The following ANKLE2 variants were observed in gnomAD, a reference collection of about 807,000 sequenced individuals.
ANKLE2 encodes ankyrin repeat and LEM domain-containing protein 2.
In ANKLE2, 55 loss-of-function variants were observed where a neutral mutation model predicts 84.2. That is an observed-to-expected ratio of 0.65 (90% CI 0.53 to 0.82). The LOEUF is 0.82. Ranked by LOEUF, ANKLE2 falls within the 40% of genes least tolerant of loss-of-function variation. The pLI is 0.00. For missense variants in ANKLE2, 1,238 were observed against 1,201.9 expected (o/e 1.03, Z -0.44); for synonymous variants, 551 against 486.1 (o/e 1.13, Z -1.76).
chr12:132,749,153 G>T (rs555246590), intron 3 of ANKLE2: 1 of 152,042 alleles, frequency 6.6e-6, no homozygotes, highest in Non-Finnish European at 1.5e-5. Flanking sequence ...CTGCCACCAC[G>T]CCCAGCTGAT....
rs1288074386 is a variant in ANKLE2 at position 132,741,465 on chromosome 12, T to C, written c.1374A>G (p.Lys458=). 8.7e-6 allele frequency: 14 copies of C among 1,614,252 alleles called. No homozygotes were observed. Among genetic ancestry groups the C allele is most frequent in the Non-Finnish European group, 1.2e-5 (14 of 1,180,044 alleles). ...GCTCCTTCAGTTCCACAGATTTATT[T>C]TTGCTTCTTTCACAAATTACCTATT... is the stretch of plus-strand genomic sequence containing the variant. ...TPEDVICERS[K]NKSVELKERI... Residue 458 remains lysine (K), a synonymous_variant, in exon 7 of 13, where the codon AAA becomes AAG. Transcript: ENST00000357997.
At chr12:132,738,667 G>C (rs1014472763) in intron 7 of ANKLE2, 1 of 151,926 alleles carries the variant, frequency 6.6e-6, no homozygotes, top group African/African-American at 2.4e-5. Flanking sequence ...TGGGACTACA[G>C]GTGCCCACCA....
At chr12:132,739,707 GTCTC>G (rs1258482498) in intron 7 of ANKLE2, among the ~76,000 whole-genome samples, 1 of 152,192 alleles carries the variant, frequency 6.6e-6, no homozygotes, top group South Asian at 2.1e-4. Context: ...ACAAGCGTGG[GTCTC>G]TCTCTGAGTG....
rs1298303278 is a variant in ANKLE2 at position 132,729,697 on chromosome 12, C to A, written c.2465G>T (p.Arg822Met). 1.2e-6 allele frequency: 2 copies of A among 1,606,336 alleles called. No individual in the cohort carries two copies. The highest frequency in any genetic ancestry group is 2.2e-5 in the East Asian group (1 of 44,542). The change falls in exon 11 of 13, where the codon AGG becomes ATG. Residue 822 changes from arginine to methionine, a missense_variant. By Grantham distance (91) the Arg-to-Met change is moderately conservative (BLOSUM62 -1). Transcript: ENST00000357997. ...DQLEVTREPA[R>M]RLFLFGEEPS... is the part of the protein sequence containing the mutation. ...CTCCTACCCAAAAAGGAAGAGCCGC[C>A]TGGCCGGTTCCCTGGTGACCTCGAG...
chr12:132,731,360 G>C (rs907479110), intron 10 of ANKLE2: 1 of 152,236 alleles, frequency 6.6e-6, no homozygotes, highest in African/African-American at 2.4e-5. Flanking sequence ...CTGTGGTTCA[G>C]AGTCACAGGT....
chr12:132,742,191 A>G lies in ANKLE2; in HGVS notation c.1354-706T>C, dbSNP rs2044138470. ...CTTATGTTGAAGTACAGATACACAC[A>G]CACACACACACACACACACACACAC... On this transcript the variant is annotated intron_variant, in intron 6 of 12. Transcript: ENST00000357997. 6 of 96,516 alleles carry G rather than the reference A, an allele frequency of 6.2e-5. No homozygotes were observed. The Admixed American group carries it at 6.6e-4, about 11-fold the overall frequency. The allele number at this position is 96,516 out of a possible 1,614,324, so 6.0% of individuals were successfully genotyped here.
chr12:132,736,805 C>G, intron 8 of ANKLE2, 88 bp downstream of exon 8: 1 of 1,461,384 alleles, frequency 6.8e-7, no homozygotes, highest in Non-Finnish European at 9.2e-7. Flanking sequence ...GTCCCTGAGA[C>G]CACGCACAAG....
chr12:132,752,217 G>A (rs2044372454), intron 2 of ANKLE2, among the ~76,000 whole-genome samples: 2 of 152,100 alleles, frequency 1.3e-5, no homozygotes, highest in South Asian at 2.1e-4. Context: ...GCACACCCCT[G>A]TAGTACTAGC....
Position 132,755,139 on chromosome 12 carries a change from C to A in ANKLE2, c.182-6G>T. ...AGCATCCATTGTCATTTCACCTAGGCCCAAGACAAAAAAATCAAAGAGTCA... is the reference window on the plus strand; with the variant it reads ...AGCATCCATTGTCATTTCACCTAGGACCAAGACAAAAAAATCAAAGAGTCA... On this transcript the variant is annotated splice_polypyrimidine_tract_variant and splice_region_variant and intron_variant, in intron 1 of 12. Coordinates refer to ENST00000357997, the MANE Select transcript of ANKLE2 (RefSeq NM_015114.3). The A allele has an allele frequency of 1.3e-6, 2 of 1,583,078 alleles. No individual in the cohort carries two copies. The highest frequency in any genetic ancestry group is 8.5e-7 in the Non-Finnish European group (1 of 1,171,156).
At chr12:132,740,345 G>A (rs1044290044) in intron 7 of ANKLE2, among the ~76,000 whole-genome samples, 5 of 152,162 alleles carry the variant, frequency 3.3e-5, no homozygotes, top group African/African-American at 9.6e-5. Context: ...CTTAGATCAC[G>A]CTTGGTAAAC....
In ANKLE2 at chr12:132,761,795, G is replaced by A. The variant is rs768793081; in HGVS notation, c.4C>T (p.Leu2=). M[L]WPRLAAAEWA... ...TCGGCCGCCGCCAGCCGCGGCCACA[G>A]CATCGCCGCCGCCCGGGCCGCAGCC... Residue 2 remains leucine (L), a synonymous_variant, in exon 1 of 13, where the codon CTG becomes TTG. Coordinates refer to ENST00000357997, the MANE Select transcript of ANKLE2 (RefSeq NM_015114.3). The A allele has an allele frequency of 1.1e-5, 12 of 1,110,004 alleles. No individual in the cohort carries two copies. Among genetic ancestry groups the A allele is most frequent in the Non-Finnish European group, 1.3e-5 (12 of 912,452 alleles). 68.8% of individuals were successfully genotyped at this position (1,110,004 alleles called of 1,614,324 possible). A position where few individuals can be genotyped will look rare whatever the true frequency, so the allele number is the denominator to read the frequency against.
intron 11 of ANKLE2, 102 bp from the exon 12 acceptor site, chr12:132,728,265 T>C: frequency 9.0e-6 from 13 of 1,444,122 alleles, no homozygotes; most frequent in Non-Finnish European, 1.2e-5. Flanking sequence ...AGTCTTGCTC[T>C]GTCGCCCAGG....
rs748174268 is a variant in ANKLE2 at position 132,737,027 on chromosome 12, A to T, written c.1459T>A (p.Ser487Thr). 4.3e-6 allele frequency: 7 copies of T among 1,611,000 alleles called. No individual in the cohort carries two copies. The highest frequency in any genetic ancestry group is 5.9e-6 in the Non-Finnish European group (7 of 1,177,872). ...YVPLLRAEET[S>T]SPVIGELWSP... ...CACAGCTCCCCGATGACTGGAGAAG[A>T]AGTCTCTTCCGCTCTCAGGAGGGGC... Residue 487 changes from serine to threonine, a missense_variant, in exon 8 of 13, where the codon TCT (serine) becomes ACT (threonine). Physicochemically the swap from Ser to Thr is moderately conservative, Grantham distance 58 (BLOSUM62 1). Around this residue, in one of 3 missense-constraint regions of ANKLE2, gnomAD observed 802 missense variants for 774.5 expected, o/e 1.04. Coordinates refer to ENST00000357997, the MANE Select transcript of ANKLE2 (RefSeq NM_015114.3).
At chr12:132,746,332 G>C (rs2044237739) in intron 5 of ANKLE2, among the ~76,000 whole-genome samples, 2 of 127,560 alleles carry the variant, frequency 1.6e-5, no homozygotes, top group Non-Finnish European at 3.3e-5. Flanking sequence ...CTGGGAGACA[G>C]AGCAAGACTC....
intron 7 of ANKLE2, chr12:132,738,925 A>G (rs548214756): frequency 6.6e-6 from 1 of 152,324 alleles, no homozygotes; most frequent in East Asian, 1.9e-4. Context: ...CATATATACC[A>G]CAGGATATTA....
chr12:132,758,532 T>TC (rs1342309438), intron 1 of ANKLE2: 3 of 152,392 alleles, frequency 2.0e-5, no homozygotes, highest in Non-Finnish European at 4.4e-5. Flanking sequence ...TTAACAATTT[T>TC]TTTTTTTTTG....
At chr12:132,757,885 G>A (rs2044519557) in intron 1 of ANKLE2, 1 of 151,604 alleles carries the variant, frequency 6.6e-6, no homozygotes, top group African/African-American at 2.4e-5. Context: ...TTGGGGGGCT[G>A]AGGAAGGAGG....
At chr12:132,753,171 G>A (rs991195012) in intron 2 of ANKLE2, among the ~76,000 whole-genome samples, 7 of 151,850 alleles carry the variant, frequency 4.6e-5, no homozygotes, top group Non-Finnish European at 7.4e-5. Context: ...AAACTGGCGC[G>A]TACTGGCACG....
rs570424330 is a variant in ANKLE2, at chr12:132,730,627, G to T, written c.1892-357C>A. 8 of 277,140 alleles carry T rather than the reference G, an allele frequency of 2.9e-5. No homozygotes were observed. The East Asian group carries it at 3.9e-4, about 14-fold the overall frequency. 17.2% of individuals were successfully genotyped at this position (277,140 alleles called of 1,614,324 possible). Reference sequence around the variant, plus strand: ...CGCTGGACCCCAGGAGTTCAAGACTGCCTGGGCAACATAGCGAAACCCCGT... The same window carrying T: ...CGCTGGACCCCAGGAGTTCAAGACTTCCTGGGCAACATAGCGAAACCCCGT... On this transcript the variant is annotated intron_variant, in intron 10 of 12. Coordinates refer to ENST00000357997, the MANE Select transcript of ANKLE2 (RefSeq NM_015114.3).
Sources: allele counts gnomAD v4.1 joint callset (sites outside exome capture counted in the v4.1 genomes callset), GRCh38; gene constraint gnomAD v4.1.1; regional missense constraint gnomAD v4.1.1; transcripts MANE v1.5; gene names NCBI Gene and HGNC (gene_info 2026-07-23, HGNC 2026-07-21).